Variants in CATSPER2 observed in about 807,000 individuals in gnomAD.
CATSPER2 encodes cation channel sperm associated 2.
CATSPER2 carries 56 observed loss-of-function variants against 68.8 expected under a neutral mutation model. The ratio of observed to expected loss-of-function variants is 0.81; its 90% CI spans 0.66 to 1.02. CATSPER2 has a LOEUF of 1.02. Among genes scored for constraint, CATSPER2 ranks in the 50% least tolerant of loss-of-function variants. CATSPER2 has a pLI of 0.00. For missense variants in CATSPER2, 582 were observed against 642.0 expected (o/e 0.91, Z 1.01); for synonymous variants, 198 against 229.9 (o/e 0.86, Z 1.26).
intron 1 of CATSPER2, among the ~76,000 whole-genome samples, 184 bp downstream of exon 1, chr15:43,648,445 G>A (rs144454359): frequency 2.6e-5 from 4 of 151,982 alleles, no homozygotes; most frequent in Non-Finnish European, 5.9e-5. Context: ...TGAGACAATC[G>A]GGCAATGAGG....
rs566294914 is a variant in CATSPER2 at position 43,647,976 on chromosome 15, A to G, written c.86T>C (p.Ile29Thr). The change falls in exon 2 of 13, where the codon ATT (isoleucine) becomes ACT (threonine). Residue 29 changes from isoleucine to threonine, a missense_variant. By Grantham distance (89) the Ile-to-Thr change is moderately conservative. Around this residue, in one of 5 missense-constraint regions of CATSPER2, gnomAD observed 197 missense variants for 191.0 expected, o/e 1.03. Coordinates refer to ENST00000396879, the MANE Select transcript of CATSPER2 (RefSeq NM_172095.4). ...RSRLIDTFSLIEHLQGLSQAV... is the reference protein window; with the variant it reads ...RSRLIDTFSLTEHLQGLSQAV... ...TTGGCTCAAGCCTTGCAAATGCTCA[A>G]TGAGAGAGAAAGTATCGATGAGACG... The G allele has an allele frequency of 3.0e-5, 48 of 1,613,576 alleles. No individual in the cohort carries two copies. The highest frequency in any genetic ancestry group is 3.3e-4 in the Middle Eastern group (2 of 6,082).
intron 4 of CATSPER2, among the ~76,000 whole-genome samples, chr15:43,645,302 C>T (rs1245623247): frequency 7.2e-5 from 11 of 151,802 alleles, no homozygotes; most frequent in East Asian, 2.0e-4. Flanking sequence ...GCGATCCTCC[C>T]GCCTCAGCCT....
chr15:43,647,108 G>A lies in CATSPER2; in HGVS notation c.330C>T (p.Phe110=), dbSNP rs1336145746. The A allele has an allele frequency of 2.5e-6, 4 of 1,612,162 alleles. No individual in the cohort carries two copies. The African/African-American group carries it at 5.3e-5, about 22-fold the overall frequency. The change falls in exon 4 of 13, where the codon TTC becomes TTT. Residue 110 remains phenylalanine (F), a synonymous_variant. Transcript: ENST00000396879. ...AGACCAGGAAGATGATGAAGTTTTTGAAGAGAGGACCTGTTGTCTCTTAAG... is the reference window on the plus strand; with the variant it reads ...AGACCAGGAAGATGATGAAGTTTTTAAAGAGAGGACCTGTTGTCTCTTAAG... ...WAGWVLECPL[F]KNFIIFLVFL... is the part of the protein sequence containing the mutation.
chr15:43,636,211 G>A lies in CATSPER2; in HGVS notation c.851C>T (p.Pro284Leu), dbSNP rs139147174. The change falls in exon 8 of 13, where the codon CCG becomes CTG. Residue 284 changes from proline (P) to leucine (L), a missense_variant. Pro to Leu is a moderately conservative substitution (Grantham distance 98). Coordinates refer to ENST00000396879, the MANE Select transcript of CATSPER2 (RefSeq NM_172095.4). ...LEYHVFFSDLPNSLVTVFILF... is the reference protein window; with the variant it reads ...LEYHVFFSDLLNSLVTVFILF... ...AATGAACACTGTTACCAGGGAATTC[G>A]GGAGGTCCCTAAAGAAAAAGACATG... 337 of 1,612,948 alleles carry A rather than the reference G, an allele frequency of 2.1e-4. 4 individuals carry two copies. Among genetic ancestry groups the A allele is most frequent in the Non-Finnish European group, 1.3e-4 (150 of 1,179,496 alleles).
At chr15:43,640,196 A>G in intron 5 of CATSPER2, 128 bp downstream of exon 5, 1 of 1,576,224 alleles carries the variant, frequency 6.3e-7, no homozygotes. Flanking sequence ...GTTTTAGGGA[A>G]AAAAAATCAA....
At position 43,635,369 on chromosome 15, in the gene CATSPER2, A is replaced by G. The variant is rs1314276191; in HGVS notation, c.1169T>C (p.Ile390Thr). The G allele has an allele frequency of 6.8e-6, 11 of 1,606,970 alleles. No individual in the cohort carries two copies. Among genetic ancestry groups the G allele is most frequent in the South Asian group, 3.3e-5 (3 of 90,920 alleles). The part of the protein sequence containing the change: ...HEALTSSHSK[I>T]EDSSRGASQQ... The stretch of plus-strand genomic sequence containing the variant: ...CATACATACTCCTAACCTGTCCTCT[A>G]TTTTGCTATGGCTTGACGTCAGTGC... Residue 390 changes from isoleucine to threonine, a missense_variant, in exon 10 of 13, where the codon ATA (isoleucine) becomes ACA (threonine). Around this residue, in one of 5 missense-constraint regions of CATSPER2, gnomAD observed 235 missense variants for 264.2 expected, o/e 0.89. Coordinates refer to ENST00000396879, the MANE Select transcript of CATSPER2 (RefSeq NM_172095.4).
intron 6 of CATSPER2, among the ~76,000 whole-genome samples, chr15:43,639,254 T>A (rs1254462061): frequency 1.8e-4 from 27 of 151,508 alleles, no homozygotes; most frequent in African/African-American, 6.5e-4. Flanking sequence ...CATATATTTT[T>A]TTTTTTTTTA....
chr15:43,635,907 G>A, intron 8 of CATSPER2, 81 bp from the exon 9 acceptor site: 9 of 1,349,864 alleles, frequency 6.7e-6, no homozygotes, highest in Non-Finnish European at 9.4e-6. Context: ...GAATCCAAGT[G>A]AAATATCCAA....
rs999611983 is a variant in CATSPER2 at position 43,629,071 on chromosome 15, A to G, written c.*1630T>C. On this transcript the variant is annotated 3_prime_UTR_variant, in exon 13 of 13. Coordinates refer to ENST00000396879, the MANE Select transcript of CATSPER2 (RefSeq NM_172095.4). Reference sequence around the variant, plus strand: ...GCTCTCTTCCCCTGCATATGGGGAAATAGGTATGCAAGCCTAGGCGCTTCA... The same window carrying G: ...GCTCTCTTCCCCTGCATATGGGGAAGTAGGTATGCAAGCCTAGGCGCTTCA... The G allele has an allele frequency of 6.7e-6, 1 of 149,990 alleles. No homozygotes were observed. The highest frequency in any genetic ancestry group is 1.5e-5 in the Non-Finnish European group (1 of 67,792). The allele number at this position is 149,990 out of a possible 1,614,324, so 9.3% of individuals were successfully genotyped here. A position where few individuals can be genotyped will look rare whatever the true frequency, so the allele number is the denominator to read the frequency against.
Position 43,630,529 on chromosome 15 carries a change from G to C in CATSPER2, c.*172C>G. 1 of 1,422,402 alleles carries C rather than the reference G, an allele frequency of 7.0e-7. No homozygotes were observed. The highest frequency in any genetic ancestry group is 9.5e-7 in the Non-Finnish European group (1 of 1,052,272). 88.1% of individuals were successfully genotyped at this position (1,422,402 alleles called of 1,614,324 possible). ...GCCACCACACCCAGCTAATTTTTTTGTATTTTTAGTAGAGACAGGGTTTCA... is the reference window on the plus strand; with the variant it reads ...GCCACCACACCCAGCTAATTTTTTTCTATTTTTAGTAGAGACAGGGTTTCA... On this transcript the variant is annotated 3_prime_UTR_variant, in exon 13 of 13. Transcript: ENST00000396879.
At position 43,640,010 on chromosome 15, in the gene CATSPER2, G is replaced by C. The variant is rs993658434; in HGVS notation, c.562-212C>G. ...ATATAAAAAGGGGGATAAAATTCAT[G>C]GTTATTTAATTGGGTTGTTGTGGAG... On this transcript the variant is annotated intron_variant, in intron 5 of 12. Coordinates refer to ENST00000396879, the MANE Select transcript of CATSPER2 (RefSeq NM_172095.4). 38 of 1,445,002 alleles carry C rather than the reference G, an allele frequency of 2.6e-5. 1 individual carries two copies. Among genetic ancestry groups the C allele is most frequent in the Non-Finnish European group, 3.4e-5 (37 of 1,093,162 alleles). 89.5% of individuals were successfully genotyped at this position (1,445,002 alleles called of 1,614,324 possible). A position where few individuals can be genotyped will look rare whatever the true frequency, so the allele number is the denominator to read the frequency against.
chr15:43,648,686 C>T lies in CATSPER2; in HGVS notation c.-60G>A. 6.9e-7 allele frequency: 1 copy of T among 1,446,646 alleles called. No individual in the cohort carries two copies. The allele number at this position is 1,446,646 out of a possible 1,614,324, so 89.6% of individuals were successfully genotyped here. A position where few individuals can be genotyped will look rare whatever the true frequency, so the allele number is the denominator to read the frequency against. On this transcript the variant is annotated 5_prime_UTR_variant, in exon 1 of 13. Coordinates refer to ENST00000396879, the MANE Select transcript of CATSPER2 (RefSeq NM_172095.4). ...TTATTTCACGCTTCCGCCTCCAGCT[C>T]AGGTGCCCCGAGCCTGGCTACCCCT... is the stretch of plus-strand genomic sequence containing the variant.
chr15:43,648,579 C>T, intron 1 of CATSPER2, 50 bp downstream of exon 1: 1 of 1,367,020 alleles, frequency 7.3e-7, no homozygotes, highest in Middle Eastern at 2.7e-4. Flanking sequence ...CTCCAACACT[C>T]CTTCGGGGGC....
At chr15:43,636,363 G>C (rs2085964139) in intron 7 of CATSPER2, 144 bp from the exon 8 acceptor site, 1 of 1,158,376 alleles carries the variant, frequency 8.6e-7, no homozygotes, top group Non-Finnish European at 1.2e-6. Context: ...TCAGTTTTTA[G>C]CTAATCATTC....
chr15:43,635,959 C>T, intron 8 of CATSPER2, 82 bp downstream of exon 8: 3 of 1,200,736 alleles, frequency 2.5e-6, no homozygotes, highest in South Asian at 1.3e-5. Context: ...TTCTTTATAC[C>T]CATAAGCCAC....
chr15:43,632,408 A>T (rs763341520), intron 11 of CATSPER2, 45 bp from the exon 12 acceptor site: 2 of 1,608,136 alleles, frequency 1.2e-6, no homozygotes, highest in Admixed American at 3.3e-5. Context: ...GATTTGTAAA[A>T]GTTGGGTAAG....
chr15:43,632,553 G>C (rs2085893798), intron 11 of CATSPER2, 164 bp downstream of exon 11: 1 of 1,482,420 alleles, frequency 6.7e-7, no homozygotes, highest in African/African-American at 1.4e-5. Context: ...CTTACCCGAA[G>C]TGAAGAAGAA....
chr15:43,643,941 T>C (rs1224659429), intron 4 of CATSPER2, among the ~76,000 whole-genome samples: 2 of 151,950 alleles, frequency 1.3e-5, no homozygotes, highest in African/African-American at 4.8e-5. Context: ...CTCAATCTCC[T>C]GGCCTCAAGT....
chr15:43,635,722 C>G lies in CATSPER2; in HGVS notation c.1121+5G>C. 1 of 1,611,532 alleles carries G rather than the reference C, an allele frequency of 6.2e-7. No homozygotes were observed. Among genetic ancestry groups the G allele is most frequent in the Non-Finnish European group, 8.5e-7 (1 of 1,178,226 alleles). On this transcript the variant is annotated splice_donor_5th_base_variant and intron_variant, in intron 9 of 12. Coordinates refer to ENST00000396879, the MANE Select transcript of CATSPER2 (RefSeq NM_172095.4). ...AAAGTTGGGGTTGAAAAGGGAGAAG[C>G]AGACCTCTGGATGATCTGCCGCTTG...
Sources: allele counts gnomAD v4.1 joint callset (sites outside exome capture counted in the v4.1 genomes callset), GRCh38; gene constraint gnomAD v4.1.1; regional missense constraint gnomAD v4.1.1; transcripts MANE v1.5; gene names NCBI Gene and HGNC (gene_info 2026-07-23, HGNC 2026-07-21).